The following WWOX variants were observed in gnomAD, a reference collection of about 807,000 sequenced individuals.
WWOX encodes the protein WW domain-containing oxidoreductase.
In WWOX, 69 loss-of-function variants were observed where a neutral mutation model predicts 46.2. The observed-to-expected ratio is 1.49, with a 90% confidence interval of 1.23 to 1.82. The LOEUF (loss-of-function observed/expected upper bound fraction) is 1.82. WWOX is among the 40% of genes most tolerant of loss of function. The pLI is 0.00. For synonymous variants in WWOX, 359 were observed against 202.6 expected, an observed-to-expected ratio of 1.77 and a Z score of -6.56; for missense variants, 919 against 542.6, an observed-to-expected ratio of 1.69 and a Z score of -6.89.
At chr16:78,561,317 C>G (rs887555077) in intron 8 of WWOX, among the ~76,000 whole-genome samples, 2 of 152,110 alleles carry the variant, frequency 1.3e-5, no homozygotes, top group Admixed American at 1.3e-4. Context: ...CTCAGAAACT[C>G]TCTCATGCAT....
chr16:79,114,272 T>C (rs1448020189), intron 8 of WWOX, among the ~76,000 whole-genome samples: 1 of 151,980 alleles, frequency 6.6e-6, no homozygotes. Flanking sequence ...GCAGATGTCA[T>C]CAAATTAATG....
At chr16:78,376,537 T>C (rs886200911) in intron 5 of WWOX, among the ~76,000 whole-genome samples, 8 of 152,160 alleles carry the variant, frequency 5.3e-5, no homozygotes, top group African/African-American at 1.9e-4. Context: ...TAAGTATAAA[T>C]AGCTGATGAC....
chr16:78,401,626 A>T (rs918212888), intron 6 of WWOX, among the ~76,000 whole-genome samples: 1 of 152,130 alleles, frequency 6.6e-6, no homozygotes, highest in Non-Finnish European at 1.5e-5. Context: ...ACGCATTTTG[A>T]GAATGTCAGT....
intron 5 of WWOX, chr16:78,266,188 A>G (rs2079357678): frequency 6.6e-6 from 1 of 152,220 alleles, no homozygotes; most frequent in Non-Finnish European, 1.5e-5. Context: ...TACATTTGTA[A>G]TTGTTTGGGG....
intron 8 of WWOX, among the ~76,000 whole-genome samples, chr16:78,864,826 G>A (rs910926373): frequency 1.6e-5 from 2 of 127,304 alleles, no homozygotes; most frequent in Non-Finnish European, 3.1e-5. Flanking sequence ...GCAGTGGTGT[G>A]AACTCGGCTC....
chr16:78,369,623 A>G (rs1053128266), intron 5 of WWOX, among the ~76,000 whole-genome samples: 3 of 151,764 alleles, frequency 2.0e-5, no homozygotes, highest in African/African-American at 7.3e-5. Context: ...AAAGAGGCAA[A>G]CATTTTCATT....
At chr16:78,122,714 C>T (rs1489301237) in intron 4 of WWOX, among the ~76,000 whole-genome samples, 4 of 151,654 alleles carry the variant, frequency 2.6e-5, no homozygotes, top group Non-Finnish European at 4.4e-5. Flanking sequence ...AAGTGATTCT[C>T]CTGCCTCAGC....
intron 8 of WWOX, among the ~76,000 whole-genome samples, chr16:78,917,310 G>T (rs935965907): frequency 1.3e-5 from 2 of 152,226 alleles, no homozygotes; most frequent in East Asian, 3.9e-4. Flanking sequence ...ATCAAAAGAA[G>T]AGAGGGATGG....
intron 8 of WWOX, among the ~76,000 whole-genome samples, chr16:78,819,151 T>C: frequency 6.6e-6 from 1 of 152,206 alleles, no homozygotes; most frequent in East Asian, 1.9e-4. Context: ...CCACTGCTGT[T>C]CAGTTCACTT....
At chr16:79,117,172 G>T (rs1246436426) in intron 8 of WWOX, among the ~76,000 whole-genome samples, 1 of 152,002 alleles carries the variant, frequency 6.6e-6, no homozygotes, top group Admixed American at 6.6e-5. Context: ...CCACTAGGCT[G>T]GGCTATTTTT....
At chr16:78,279,989 C>G (rs946389291) in intron 5 of WWOX, among the ~76,000 whole-genome samples, 6 of 152,206 alleles carry the variant, frequency 3.9e-5, no homozygotes, top group African/African-American at 1.4e-4. Context: ...AATCCGTTTC[C>G]CCTCTTTCTG....
chr16:78,655,082 T>A (rs1039483450), intron 8 of WWOX, among the ~76,000 whole-genome samples: 1 of 152,154 alleles, frequency 6.6e-6, no homozygotes, highest in Non-Finnish European at 1.5e-5. Flanking sequence ...TCACCTGGCC[T>A]GCATCCTGGT....
chr16:78,412,576 T>C (rs908896502), intron 6 of WWOX, among the ~76,000 whole-genome samples: 3 of 152,010 alleles, frequency 2.0e-5, no homozygotes, highest in African/African-American at 7.2e-5. Context: ...AATGGAGTGG[T>C]AGTGGCATTG....
chr16:78,258,368 T>C (rs1313056845), intron 5 of WWOX, among the ~76,000 whole-genome samples: 3 of 152,216 alleles, frequency 2.0e-5, no homozygotes, highest in African/African-American at 7.2e-5. Context: ...GAAGATTTAA[T>C]GCCAACATGT....
At chr16:78,601,486 C>T (rs897559840) in intron 8 of WWOX, among the ~76,000 whole-genome samples, 1 of 151,634 alleles carries the variant, frequency 6.6e-6, no homozygotes, top group Non-Finnish European at 1.5e-5. Flanking sequence ...AGAATAGAAT[C>T]TATTATCTCC....
intron 8 of WWOX, among the ~76,000 whole-genome samples, chr16:78,511,651 G>A (rs1209823019): frequency 6.6e-6 from 1 of 152,136 alleles, no homozygotes; most frequent in Non-Finnish European, 1.5e-5. Flanking sequence ...GTTTATTGTA[G>A]GAGCTAAGTG....
At chr16:79,089,387 A>G (rs1446982969) in intron 8 of WWOX, among the ~76,000 whole-genome samples, 1 of 149,478 alleles carries the variant, frequency 6.7e-6, no homozygotes, top group Non-Finnish European at 1.5e-5. Flanking sequence ...GCTGGAATGC[A>G]GTGGCATGAT....
At chr16:78,575,494 G>A (rs1016193195) in intron 8 of WWOX, among the ~76,000 whole-genome samples, 3 of 152,014 alleles carry the variant, frequency 2.0e-5, no homozygotes, top group African/African-American at 4.8e-5. Flanking sequence ...TGGAGGACAA[G>A]AAGGCACAAA....
chr16:78,947,719 C>T (rs577893673), intron 8 of WWOX, among the ~76,000 whole-genome samples: 1 of 152,106 alleles, frequency 6.6e-6, no homozygotes, highest in African/African-American at 2.4e-5. Context: ...TCAGAAAAGC[C>T]AAAAAGAATG....
Sources: allele counts gnomAD v4.1 joint callset (sites outside exome capture counted in the v4.1 genomes callset), GRCh38; gene constraint gnomAD v4.1.1; transcripts MANE v1.5; gene names NCBI Gene and HGNC (gene_info 2026-07-23, HGNC 2026-07-21).